BTBD9: variants seen among roughly 807,000 people sequenced by gnomAD.
BTBD9 encodes the protein BTB/POZ domain-containing protein 9.
In BTBD9, 49 loss-of-function variants were observed where a neutral mutation model predicts 64.3. The observed-to-expected ratio is 0.76, with a 90% CI of 0.61 to 0.97. The LOEUF is 0.97. Among genes scored for constraint, BTBD9 ranks in the 50% least tolerant of loss-of-function variants. The pLI, the probability that BTBD9 is intolerant of heterozygous loss-of-function variation, is 0.00. For synonymous variants in BTBD9, 260 were observed against 274.7 expected (o/e 0.95, Z 0.53); for missense variants, 598 against 762.1 (o/e 0.78, Z 2.53).
chr6:38,398,372 A>G (rs1379270791), intron 6 of BTBD9, among the ~76,000 whole-genome samples: 1 of 152,172 alleles, frequency 6.6e-6, no homozygotes, highest in Non-Finnish European at 1.5e-5. Context: ...TCACACTCAG[A>G]TAACTGTGTG....
rs11423572 is a variant in BTBD9 at position 38,386,630 on chromosome 6, C to CTTT, written c.1155-41540_1155-41538dup. 3.8e-3 allele frequency among the ~76,000 whole-genome samples: 352 copies of CTTT among 92,676 alleles called. 1 individual carries two copies. Among genetic ancestry groups the CTTT allele is most frequent in the African/African-American group, 0.013 (284 of 22,242 alleles). 60.8% of individuals were successfully genotyped at this position (92,676 alleles called of 152,430 possible). A position where few individuals can be genotyped will look rare whatever the true frequency, so the allele number is the denominator to read the frequency against. On this transcript the variant is annotated intron_variant, in intron 6 of 10. Coordinates refer to ENST00000481247, the MANE Select transcript of BTBD9 (RefSeq NM_001099272.2). The stretch of plus-strand genomic sequence containing the variant: ...TTTGGGATACATTTTCCAGTTTACT[C>CTTT]TTTTTTTTTTTTTTTTTTTTTTGGA...
chr6:38,347,516 A>AT (rs1764328736), intron 6 of BTBD9, among the ~76,000 whole-genome samples: 1 of 152,256 alleles, frequency 6.6e-6, no homozygotes, highest in Non-Finnish European at 1.5e-5. Context: ...CAAAAATGGC[A>AT]TAAAGTCCCT....
intron 10 of BTBD9, among the ~76,000 whole-genome samples, chr6:38,189,781 G>T (rs556891826): frequency 6.6e-6 from 1 of 151,774 alleles, no homozygotes; most frequent in Admixed American, 6.6e-5. Flanking sequence ...TTAAGCAATC[G>T]TCTTGCCTCA....
chr6:38,327,873 A>AT (rs1167013139), intron 7 of BTBD9, among the ~76,000 whole-genome samples: 1 of 152,206 alleles, frequency 6.6e-6, no homozygotes, highest in African/African-American at 2.4e-5. Context: ...CATCAGGTGT[A>AT]TCGCCACATT....
At chr6:38,453,883 T>C (rs933405730) in intron 6 of BTBD9, among the ~76,000 whole-genome samples, 11 of 152,348 alleles carry the variant, frequency 7.2e-5, no homozygotes, top group Admixed American at 5.9e-4. Context: ...TGGGCGAATG[T>C]TGAAGACACA....
chr6:38,457,012 G>A (rs1309289976), intron 6 of BTBD9, among the ~76,000 whole-genome samples: 1 of 152,182 alleles, frequency 6.6e-6, no homozygotes, highest in Non-Finnish European at 1.5e-5. Context: ...CAAATGATAA[G>A]AAGCCAGACA....
chr6:38,551,485 T>A (rs1774800267), intron 6 of BTBD9, among the ~76,000 whole-genome samples: 1 of 152,196 alleles, frequency 6.6e-6, no homozygotes, highest in Admixed American at 6.5e-5. Flanking sequence ...ATTGTTTTAA[T>A]CCCTTTATAT....
intron 6 of BTBD9, among the ~76,000 whole-genome samples, chr6:38,426,313 A>C (rs1768144709): frequency 6.6e-6 from 1 of 151,996 alleles, no homozygotes; most frequent in South Asian, 2.1e-4. Flanking sequence ...GAGGTAAAGA[A>C]ATAGCCAATC....
At chr6:38,301,240 T>C (rs1259724584) in intron 7 of BTBD9, among the ~76,000 whole-genome samples, 2 of 152,192 alleles carry the variant, frequency 1.3e-5, no homozygotes, top group African/African-American at 4.8e-5. Flanking sequence ...AGCTTTTTGA[T>C]GTGTTGCTGG....
intron 6 of BTBD9, among the ~76,000 whole-genome samples, chr6:38,536,126 AG>A (rs1029156070): frequency 2.0e-4 from 31 of 152,188 alleles, no homozygotes; most frequent in African/African-American, 7.2e-4. Context: ...AGAATAAATA[AG>A]GAGCTCAAAC....
At chr6:38,572,759 A>T (rs919941314) in intron 6 of BTBD9, among the ~76,000 whole-genome samples, 2 of 148,096 alleles carry the variant, frequency 1.4e-5, no homozygotes, top group South Asian at 4.2e-4. Flanking sequence ...TTAAGATATA[A>T]GGCTTAAAAA....
rs533939638 is a variant in BTBD9, at chr6:38,384,614, A to G, written c.1155-39521T>C. ...AGTATTTCCTAAGAGTCACATAATA[A>G]GGAAAACCACAGTGCTTTCAGGCCT... On this transcript the variant is annotated intron_variant, in intron 6 of 10. Transcript: ENST00000481247. Among the ~76,000 whole-genome samples, 19 of 152,308 alleles carry G rather than the reference A, an allele frequency of 1.2e-4. No homozygotes were observed. The East Asian group carries it at 3.7e-3, about 29-fold the overall frequency.
At chr6:38,380,905 T>C (rs1314253524) in intron 6 of BTBD9, among the ~76,000 whole-genome samples, 1 of 151,912 alleles carries the variant, frequency 6.6e-6, no homozygotes, top group Non-Finnish European at 1.5e-5. Flanking sequence ...AAATTAAAAA[T>C]GCATGTTAGA....
chr6:38,266,636 AAGAAAGAAAGAAAGAAAG>A (rs1401627770), intron 8 of BTBD9, among the ~76,000 whole-genome samples: 4 of 116,738 alleles, frequency 3.4e-5, no homozygotes, highest in African/African-American at 1.2e-4. Context: ...GAAAGAAAGA[AAGAAAGAAAGAAAGAAAG>A]AAAGAAAGAA....
At chr6:38,528,116 G>C (rs1338890379) in intron 6 of BTBD9, among the ~76,000 whole-genome samples, 1 of 152,164 alleles carries the variant, frequency 6.6e-6, no homozygotes, top group Admixed American at 6.5e-5. Flanking sequence ...CACTTGGAGG[G>C]AGGCAGAGTG....
chr6:38,393,677 G>A (rs564365493), intron 6 of BTBD9, among the ~76,000 whole-genome samples: 9 of 152,312 alleles, frequency 5.9e-5, no homozygotes, highest in Non-Finnish European at 1.3e-4. Context: ...TGCTAGGGCT[G>A]TTATACCCTC....
intron 6 of BTBD9, among the ~76,000 whole-genome samples, chr6:38,385,105 A>G (rs1766095544): frequency 6.6e-6 from 1 of 150,462 alleles, no homozygotes; most frequent in Non-Finnish European, 1.5e-5. Flanking sequence ...TGAACAAGGT[A>G]TGCCATTTGG....
At chr6:38,475,715 C>T (rs1770849178) in intron 6 of BTBD9, among the ~76,000 whole-genome samples, 2 of 152,140 alleles carry the variant, frequency 1.3e-5, no homozygotes, top group Non-Finnish European at 2.9e-5. Flanking sequence ...GAACAGCATA[C>T]CCATGATCTC....
rs141467000 is a variant in BTBD9 at position 38,182,379 on chromosome 6, G to C, written c.1642-7197C>G. 6.6e-5 allele frequency among the ~76,000 whole-genome samples: 10 copies of C among 152,294 alleles called. No individual in the cohort carries two copies. In the East Asian group the frequency reaches 1.9e-3, roughly 29 times the overall value. The stretch of plus-strand genomic sequence containing the variant: ...TTACTTTCTTGTCTTAATGGATTCG[G>C]CTATAGAGTGGTAGAGGTATCTTTT... On this transcript the variant is annotated intron_variant, in intron 10 of 10. Transcript: ENST00000481247.
Sources: gnomAD v4.1 joint callset for allele counts (sites outside exome capture counted in the v4.1 genomes callset) on GRCh38, gnomAD v4.1.1 for gene constraint, MANE v1.5 for transcripts, NCBI Gene and HGNC (gene_info 2026-07-23, HGNC 2026-07-21) for gene names.